The following XPO5 variants were observed in gnomAD, a reference collection of about 807,000 sequenced individuals.
XPO5 encodes exportin 5, also known as exportin-5.
Under a neutral mutation model 160.6 loss-of-function variants are expected in XPO5, and 46 were observed. The ratio of observed to expected loss-of-function variants is 0.29; its 90% CI spans 0.23 to 0.37. XPO5 has a LOEUF of 0.37. XPO5 is among the 10% of genes least tolerant of loss of function. The pLI is 1.00. For synonymous variants in XPO5, 537 were observed against 519.3 expected (o/e 1.03, Z -0.46); for missense variants, 1,090 against 1,463.9 (o/e 0.74, Z 4.17).
At position 43,525,151 on chromosome 6, in the gene XPO5, A is replaced by G; in HGVS notation, c.3130T>C (p.Cys1044Arg). 6.3e-7 allele frequency: 1 copy of G among 1,584,086 alleles called. No individual in the cohort carries two copies. Residue 1044 changes from cysteine to arginine, a missense_variant, in exon 29 of 32, where the codon TGC becomes CGC. Cys to Arg is a radical substitution (Grantham distance 180). Transcript: ENST00000265351. ...NSLAWKDTLS[C>R]QRTTSQLCWP... ...CAGAGCTGTGAGGTTGTCCTCTGGCAGGACAGAGTATCTTTCCAGGCCAGG... is the reference window on the plus strand; with the variant it reads ...CAGAGCTGTGAGGTTGTCCTCTGGCGGGACAGAGTATCTTTCCAGGCCAGG...
At chr6:43,530,650 T>C in intron 23 of XPO5, 38 bp downstream of exon 23, 1 of 1,603,558 alleles carries the variant, frequency 6.2e-7, no homozygotes, top group South Asian at 1.1e-5. Flanking sequence ...TCTAATTTTC[T>C]GACCTTTTGG....
rs148248964 is a variant in XPO5 at position 43,572,297 on chromosome 6, G to A, written c.300+209C>T. Among the ~76,000 whole-genome samples, 35 of 152,278 alleles carry A rather than the reference G, an allele frequency of 2.3e-4. No individual in the cohort carries two copies. The South Asian group carries it at 3.7e-3, about 16-fold the overall frequency. On this transcript the variant is annotated intron_variant, in intron 3 of 31. Coordinates refer to ENST00000265351, the MANE Select transcript of XPO5 (RefSeq NM_020750.3). ...TCACTGCATTGCCCAAGCTGCTCTC[G>A]AATTCTTAGATGCAGGTGATCCTCT...
rs548301553 is a variant in XPO5 at position 43,549,946 on chromosome 6, G to A, written c.1729-12C>T. ...ACAGATGAAAATAGCTAAGGGAGAG[G>A]AGGAAAAAAGGTCACTCATGTTTAT... On this transcript the variant is annotated splice_polypyrimidine_tract_variant and intron_variant, in intron 15 of 31. Coordinates refer to ENST00000265351, the MANE Select transcript of XPO5 (RefSeq NM_020750.3). 7.4e-6 allele frequency: 12 copies of A among 1,611,488 alleles called. No individual in the cohort carries two copies. The highest frequency in any genetic ancestry group is 3.3e-5 in the South Asian group (3 of 90,486).
intron 12 of XPO5, chr6:43,556,222 T>G (rs78529971): frequency 2.6e-6 from 1 of 381,810 alleles, no homozygotes; most frequent in East Asian, 5.2e-5. Flanking sequence ...CCATTTCTGT[T>G]TGAATTAAAA....
intron 13 of XPO5, chr6:43,554,831 T>G (rs1761961980): frequency 6.6e-6 from 1 of 152,198 alleles, no homozygotes; most frequent in African/African-American, 2.4e-5. Context: ...TTACCAAATA[T>G]CAGAGAATTT....
chr6:43,549,319 C>T (rs540490923), intron 17 of XPO5, among the ~76,000 whole-genome samples, 170 bp downstream of exon 17: 18 of 152,350 alleles, frequency 1.2e-4, no homozygotes, highest in African/African-American at 4.3e-4. Context: ...CCACCTCAGT[C>T]TCCCAAAGTG....
At chr6:43,544,887 T>C (rs1286087573) in intron 20 of XPO5, among the ~76,000 whole-genome samples, 1 of 152,200 alleles carries the variant, frequency 6.6e-6, no homozygotes, top group East Asian at 1.9e-4. Context: ...ATTTATTTAT[T>C]TTGAGATGGA....
chr6:43,536,858 T>G (rs1794364853), intron 20 of XPO5, among the ~76,000 whole-genome samples: 1 of 149,068 alleles, frequency 6.7e-6, no homozygotes, highest in East Asian at 2.0e-4. Flanking sequence ...GGTAGGAATC[T>G]AATTGTTTTT....
At chr6:43,565,864 T>A in intron 7 of XPO5, 128 bp from the exon 8 acceptor site, 1 of 665,680 alleles carries the variant, frequency 1.5e-6, no homozygotes, top group Non-Finnish European at 2.4e-6. Flanking sequence ...AGTGAAACAC[T>A]AGAAAGAAGC....
At chr6:43,568,471 T>G (rs966092315) in intron 6 of XPO5, among the ~76,000 whole-genome samples, 2 of 152,016 alleles carry the variant, frequency 1.3e-5, no homozygotes, top group Non-Finnish European at 2.9e-5. Flanking sequence ...CTGGGCATGG[T>G]GGTGCGCACC....
chr6:43,553,080 A>G, intron 14 of XPO5, among the ~76,000 whole-genome samples: 1 of 152,134 alleles, frequency 6.6e-6, no homozygotes, highest in South Asian at 2.1e-4. Context: ...TTGGGAGGCC[A>G]AGGCAGGAGG....
intron 5 of XPO5, among the ~76,000 whole-genome samples, chr6:43,569,996 T>G (rs968875955): frequency 7.6e-6 from 1 of 130,818 alleles, no homozygotes; most frequent in African/African-American, 3.0e-5. Context: ...TAAGCCGAGA[T>G]CCCTATCTTT....
chr6:43,545,817 C>G (rs976295927), intron 20 of XPO5, among the ~76,000 whole-genome samples: 2 of 152,082 alleles, frequency 1.3e-5, no homozygotes, highest in Non-Finnish European at 2.9e-5. Flanking sequence ...AGAGACCATC[C>G]CTGAGTCATC....
intron 20 of XPO5, chr6:43,544,029 T>C (rs1199596907): frequency 6.6e-6 from 1 of 152,512 alleles, no homozygotes; most frequent in African/African-American, 2.4e-5. Flanking sequence ...TACACACTAT[T>C]CAAGCAATCT....
At position 43,528,837 on chromosome 6, in the gene XPO5, G is replaced by A. The variant is rs1248752554; in HGVS notation, c.2766C>T (p.Tyr922=). The change falls in exon 24 of 32, where the codon TAC becomes TAT. Residue 922 remains tyrosine, a synonymous_variant. Coordinates refer to ENST00000265351, the MANE Select transcript of XPO5 (RefSeq NM_020750.3). ...CTGACTTATCTCTTACCATATGGAG[G>A]TAGGTGAAAAGAGGTCCGAGGATGG... is the stretch of plus-strand genomic sequence containing the variant. ...VSPILGPLFT[Y]LHMRLSQKWQ... is the part of the protein sequence containing the mutation. 2 of 1,613,638 alleles carry A rather than the reference G, an allele frequency of 1.2e-6. No homozygotes were observed. The highest frequency in any genetic ancestry group is 2.7e-5 in the African/African-American group (2 of 74,924).
chr6:43,573,692 G>A (rs1763124507), intron 1 of XPO5, 91 bp from the exon 2 acceptor site: 5 of 1,453,276 alleles, frequency 3.4e-6, no homozygotes, highest in Middle Eastern at 1.9e-4. Context: ...CCAGGGCCGG[G>A]TGCGGTGGCT....
intron 22 of XPO5, 98 bp downstream of exon 22, chr6:43,531,381 G>C (rs142682239): frequency 1.6e-5 from 18 of 1,100,306 alleles, no homozygotes; most frequent in Middle Eastern, 4.1e-4. Context: ...CTCTTGCCTC[G>C]CCTTACCTGT....
At chr6:43,569,726 C>G (rs976410621) in intron 5 of XPO5, among the ~76,000 whole-genome samples, 2 of 149,654 alleles carry the variant, frequency 1.3e-5, no homozygotes, top group African/African-American at 2.5e-5. Flanking sequence ...GAGTGAGACT[C>G]CCTCTCCAAA....
At chr6:43,525,648 C>A in intron 28 of XPO5, 191 bp downstream of exon 28, 1 of 605,130 alleles carries the variant, frequency 1.7e-6, no homozygotes, top group Non-Finnish European at 2.9e-6. Flanking sequence ...GAGCTCCTGC[C>A]TATGCTGGTA....
Sources: allele counts gnomAD v4.1 joint callset (sites outside exome capture counted in the v4.1 genomes callset), GRCh38; gene constraint gnomAD v4.1.1; transcripts MANE v1.5; gene names NCBI Gene and HGNC (gene_info 2026-07-23, HGNC 2026-07-21).